The following ENOX1 variants were observed in gnomAD, a reference collection of about 807,000 sequenced individuals.
The protein encoded by ENOX1 is ecto-NOX disulfide-thiol exchanger 1.
ENOX1 carries 42 observed loss-of-function variants against 82.5 expected under a neutral mutation model. The observed-to-expected ratio is 0.51, with a 90% confidence interval of 0.40 to 0.66. The LOEUF is 0.66. ENOX1 is among the 30% of genes least tolerant of loss of function. ENOX1 has a pLI of 0.00. For missense variants in ENOX1, 608 were observed against 811.6 expected, an observed-to-expected ratio of 0.75 and a Z score of 3.05; for synonymous variants, 271 against 282.2, an observed-to-expected ratio of 0.96 and a Z score of 0.40.
chr13:43,355,871 T>C, intron 8 of ENOX1, 48 bp downstream of exon 8: 3 of 1,542,566 alleles, frequency 1.9e-6, no homozygotes, highest in Non-Finnish European at 2.7e-6. Context: ...GGGTTCCGTG[T>C]CTGGGGATCC....
chr13:43,458,782 C>T (rs1426851300), intron 3 of ENOX1: 1 of 152,124 alleles, frequency 6.6e-6, no homozygotes, highest in African/African-American at 2.4e-5. Flanking sequence ...TTGAAACACA[C>T]CTCGATCGTC....
At chr13:43,716,691 T>C (rs2088159210) in intron 1 of ENOX1, among the ~76,000 whole-genome samples, 1 of 151,882 alleles carries the variant, frequency 6.6e-6, no homozygotes, top group South Asian at 2.1e-4. Context: ...AATTTCAGGA[T>C]ATAAAGTCAA....
chr13:43,499,432 G>T (rs912231248), intron 2 of ENOX1, among the ~76,000 whole-genome samples: 6 of 152,032 alleles, frequency 3.9e-5, no homozygotes, highest in African/African-American at 9.7e-5. Context: ...AAAAGACACA[G>T]GTTGCCAATA....
intron 7 of ENOX1, among the ~76,000 whole-genome samples, chr13:43,359,144 A>G (rs1384773712): frequency 1.3e-5 from 2 of 152,078 alleles, no homozygotes; most frequent in Non-Finnish European, 2.9e-5. Context: ...GGGAGGTGAA[A>G]TGCAGAGGGA....
intron 2 of ENOX1, among the ~76,000 whole-genome samples, chr13:43,645,673 G>C (rs2153772086): frequency 6.6e-6 from 1 of 152,264 alleles, no homozygotes; most frequent in African/African-American, 2.4e-5. Flanking sequence ...TAAGCAACAA[G>C]TTTGGTTGAA....
chr13:43,412,879 C>G lies in ENOX1; in HGVS notation c.36G>C (p.Gln12His). The G allele has an allele frequency of 1.2e-6, 2 of 1,614,088 alleles. No individual in the cohort carries two copies. The highest frequency in any genetic ancestry group is 2.2e-5 in the South Asian group (2 of 91,076). The stretch of plus-strand genomic sequence containing the variant: ...TCATCTGAGGAAGCTCCTGGGGAAG[C>G]TGGGTGATGTTCTCAACTCCACCTG... ...VDAGGVENIT[Q>H]LPQELPQMMA... The change falls in exon 4 of 17, where the codon CAG (glutamine) becomes CAC (histidine). Residue 12 changes from glutamine (Q) to histidine (H), a missense_variant. Coordinates refer to ENST00000690772, the MANE Select transcript of ENOX1 (RefSeq NM_001347969.2).
At chr13:43,622,879 C>CG (rs1232144713) in intron 2 of ENOX1, among the ~76,000 whole-genome samples, 3 of 151,870 alleles carry the variant, frequency 2.0e-5, no homozygotes, top group Admixed American at 2.0e-4. Context: ...ACCATTAGGT[C>CG]GGGGCAGGGC....
At chr13:43,274,920 T>C (rs2044916505) in intron 12 of ENOX1, among the ~76,000 whole-genome samples, 1 of 152,230 alleles carries the variant, frequency 6.6e-6, no homozygotes, top group Non-Finnish European at 1.5e-5. Context: ...ACAAATGTTA[T>C]TTGGAGCCCT....
intron 7 of ENOX1, among the ~76,000 whole-genome samples, chr13:43,356,827 T>C (rs2050189814): frequency 6.6e-6 from 1 of 152,094 alleles, no homozygotes; most frequent in African/African-American, 2.4e-5. Context: ...CGCCGCTGCC[T>C]GCCTCACAGC....
chr13:43,298,613 A>AG lies in ENOX1; in HGVS notation c.1262-84_1262-83insC, dbSNP rs2046406162. The AG allele has an allele frequency of 2.3e-6, 3 of 1,313,454 alleles. No individual in the cohort carries two copies. The African/African-American group carries it at 4.4e-5, about 19-fold the overall frequency. 81.4% of individuals were successfully genotyped at this position (1,313,454 alleles called of 1,614,324 possible). The stretch of plus-strand genomic sequence containing the variant: ...CCTTCTGTGGGAAAGGGAGTCTGTC[A>AG]CCCAAGTTCTTAATGTTTGTACCAG... On this transcript the variant is annotated intron_variant, in intron 11 of 16. Transcript: ENST00000690772.
chr13:43,690,532 T>C (rs1378651848), intron 1 of ENOX1, among the ~76,000 whole-genome samples: 1 of 152,172 alleles, frequency 6.6e-6, no homozygotes, highest in African/African-American at 2.4e-5. Context: ...TTACTCGTCT[T>C]CACATTGTAA....
intron 5 of ENOX1, among the ~76,000 whole-genome samples, chr13:43,403,386 A>C (rs1438308941): frequency 6.6e-6 from 1 of 152,218 alleles, no homozygotes; most frequent in East Asian, 1.9e-4. Flanking sequence ...ATTTAACAAA[A>C]GTTTGTAACA....
At chr13:43,271,281 A>G (rs1210239496) in intron 12 of ENOX1, among the ~76,000 whole-genome samples, 1 of 152,218 alleles carries the variant, frequency 6.6e-6, no homozygotes, top group African/African-American at 2.4e-5. Flanking sequence ...ATCATCAGAC[A>G]CTATGCAGCC....
chr13:43,260,570 T>C (rs1297219770), intron 14 of ENOX1, among the ~76,000 whole-genome samples: 1 of 152,112 alleles, frequency 6.6e-6, no homozygotes, highest in East Asian at 1.9e-4. Flanking sequence ...CAGTTCTCCC[T>C]CCTCATCCTT....
chr13:43,459,019 T>G (rs2153636263), intron 3 of ENOX1: 1 of 152,320 alleles, frequency 6.6e-6, no homozygotes, highest in African/African-American at 2.4e-5. Context: ...TTTCTACAAC[T>G]TCAGCTAAAT....
At chr13:43,755,557 C>A (rs944548605) in intron 1 of ENOX1, among the ~76,000 whole-genome samples, 7 of 152,124 alleles carry the variant, frequency 4.6e-5, no homozygotes, top group Non-Finnish European at 8.8e-5. Context: ...AATGTTTTTA[C>A]AATTATAATA....
intron 12 of ENOX1, among the ~76,000 whole-genome samples, chr13:43,294,551 G>A (rs1425423384): frequency 6.6e-6 from 1 of 152,164 alleles, no homozygotes; most frequent in Admixed American, 6.5e-5. Context: ...TGGTACAGAC[G>A]CTTGGGAAAA....
chr13:43,673,716 T>C (rs1251398145), intron 1 of ENOX1, among the ~76,000 whole-genome samples: 1 of 152,230 alleles, frequency 6.6e-6, no homozygotes, highest in Non-Finnish European at 1.5e-5. Context: ...GTTTGGTAAA[T>C]GAAAGAAGGC....
chr13:43,622,094 G>T (rs1566654698), intron 2 of ENOX1, among the ~76,000 whole-genome samples: 1 of 151,034 alleles, frequency 6.6e-6, no homozygotes, highest in African/African-American at 2.5e-5. Context: ...CTGAATCTTT[G>T]ATTTTGTTTT....
Sources: allele counts gnomAD v4.1 joint callset (sites outside exome capture counted in the v4.1 genomes callset), GRCh38; gene constraint gnomAD v4.1.1; transcripts MANE v1.5; gene names NCBI Gene and HGNC (gene_info 2026-07-23, HGNC 2026-07-21).